The following PLCG2 variants were observed in gnomAD, a reference collection of about 807,000 sequenced individuals.
PLCG2 encodes phospholipase C gamma 2, also known as 1-phosphatidylinositol 4,5-bisphosphate phosphodiesterase gamma-2.
PLCG2 carries 69 observed loss-of-function variants against 175.6 expected under a neutral mutation model. That is an observed-to-expected ratio of 0.39 (90% CI 0.32 to 0.48). The LOEUF is 0.48. Ranked by LOEUF, PLCG2 falls within the 20% of genes least tolerant of loss-of-function variation. PLCG2 has a pLI of 0.91. For missense variants in PLCG2, 1,798 were observed against 1,650.9 expected, an observed-to-expected ratio of 1.09 and a Z score of -1.54; for synonymous variants, 827 against 624.0, an observed-to-expected ratio of 1.33 and a Z score of -4.85.
At chr16:81,835,749 C>G (rs1027160165) in intron 2 of PLCG2, among the ~76,000 whole-genome samples, 5 of 152,124 alleles carry the variant, frequency 3.3e-5, no homozygotes, top group Admixed American at 3.3e-4. Context: ...GCTTAGAAGT[C>G]TGAAATCAAG....
intron 2 of PLCG2, among the ~76,000 whole-genome samples, chr16:81,841,117 G>T (rs984010560): frequency 6.6e-6 from 1 of 152,196 alleles, no homozygotes; most frequent in Non-Finnish European, 1.5e-5. Flanking sequence ...TGCTGTCAGC[G>T]CAGTGGCAAC....
chr16:81,838,178 A>C (rs1318744066), intron 2 of PLCG2, among the ~76,000 whole-genome samples: 4 of 151,844 alleles, frequency 2.6e-5, no homozygotes, highest in Non-Finnish European at 4.4e-5. Context: ...TCCTGGGTTC[A>C]AGTGATTCTC....
At chr16:81,889,509 C>G (rs775882830) in intron 10 of PLCG2, 1 of 396,106 alleles carries the variant, frequency 2.5e-6, no homozygotes, top group Non-Finnish European at 4.6e-6. Context: ...TAGACAGAAC[C>G]GATTGATCAA....
chr16:81,778,046 A>AC (rs1567457806), upstream of PLCG2, among the ~76,000 whole-genome samples: 94 of 89,298 alleles, frequency 1.1e-3, no homozygotes, highest in East Asian at 6.9e-3. Flanking sequence ...AAAAAAACAA[A>AC]AAAAAAAACA....
At chr16:81,796,756 T>C (rs1316795811) in intron 2 of PLCG2, among the ~76,000 whole-genome samples, 1 of 152,208 alleles carries the variant, frequency 6.6e-6, no homozygotes, top group East Asian at 1.9e-4. Flanking sequence ...GTCATGCATC[T>C]GCAAGCTAAG....
intron 2 of PLCG2, chr16:81,842,891 G>T: frequency 6.6e-6 from 1 of 151,558 alleles, no homozygotes. Context: ...AGGGAGGGCT[G>T]AGGGAGGGTG....
At chr16:81,946,300 T>C (rs754930329) in intron 31 of PLCG2, 37 bp downstream of exon 31, 1 of 1,475,802 alleles carries the variant, frequency 6.8e-7, no homozygotes, top group East Asian at 2.3e-5. Context: ...TTCCCTGAGC[T>C]ATGCCTGCTG....
chr16:81,915,299 C>G (rs939502347), intron 19 of PLCG2, among the ~76,000 whole-genome samples: 2 of 152,192 alleles, frequency 1.3e-5, no homozygotes, highest in African/African-American at 4.8e-5. Context: ...AGGCACTGTT[C>G]TGGGCTCTGG....
chr16:81,754,200 G>A (rs1909871789), intron 1 of PLCG2, among the ~76,000 whole-genome samples: 1 of 151,634 alleles, frequency 6.6e-6, no homozygotes, highest in African/African-American at 2.4e-5. Context: ...GTTGAGAGGG[G>A]ATGGAGAAGC....
intron 31 of PLCG2, among the ~76,000 whole-genome samples, chr16:81,955,730 G>C (rs1189681577): frequency 5.9e-5 from 9 of 152,138 alleles, no homozygotes; most frequent in African/African-American, 1.9e-4. Context: ...ACTCTACCAA[G>C]AGCACCAACG....
At position 81,816,720 on chromosome 16, in the gene PLCG2, T is replaced by C. The variant is rs541048416; in HGVS notation, c.193+30538T>C. Among the ~76,000 whole-genome samples the C allele has an allele frequency of 3.6e-5, 5 of 139,904 alleles. No homozygotes were observed. In the East Asian group the frequency reaches 7.4e-4, roughly 21 times the overall value. 91.8% of individuals were successfully genotyped at this position (139,904 alleles called of 152,430 possible). ...TCTCACTATGTTGTCTAGGCTGGTC[T>C]TAAACTCCTGGGCTAAAGCAGTCCT... On this transcript the variant is annotated intron_variant, in intron 2 of 32. Coordinates refer to ENST00000564138, the MANE Select transcript of PLCG2 (RefSeq NM_002661.5).
intron 2 of PLCG2, among the ~76,000 whole-genome samples, chr16:81,851,423 T>C (rs535620293): frequency 6.6e-6 from 1 of 152,364 alleles, no homozygotes; most frequent in East Asian, 1.9e-4. Flanking sequence ...CGAAATCTTG[T>C]CACGTGTAGG....
At chr16:81,761,242 G>A (rs1424295107) in intron 2 of PLCG2, among the ~76,000 whole-genome samples, 1 of 152,002 alleles carries the variant, frequency 6.6e-6, no homozygotes, top group African/African-American at 2.4e-5. Context: ...GTGCATACTT[G>A]TAGTCCTAGC....
chr16:81,883,155 G>A (rs1908172952), intron 8 of PLCG2, 114 bp from the exon 9 acceptor site: 1 of 824,112 alleles, frequency 1.2e-6, no homozygotes, highest in East Asian at 2.5e-5. Context: ...CTAACACAGT[G>A]CCAGACTAAG....
chr16:81,785,650 T>G (rs1910935477), intron 1 of PLCG2: 4 of 206,928 alleles, frequency 1.9e-5, no homozygotes, highest in Non-Finnish European at 2.9e-5. Flanking sequence ...AGGATAAGAG[T>G]GGGTGGGGAG....
chr16:81,818,829 G>C (rs1474984287), intron 2 of PLCG2, among the ~76,000 whole-genome samples: 1 of 149,902 alleles, frequency 6.7e-6, no homozygotes, highest in Non-Finnish European at 1.5e-5. Context: ...TATTTAGGTA[G>C]AATATGAATA....
chr16:81,841,204 CTTTATTTATTTA>C (rs144363484), intron 2 of PLCG2, among the ~76,000 whole-genome samples: 6,954 of 144,674 alleles, frequency 0.048, 201 homozygotes, highest in African/African-American at 0.062. Context: ...AAAAAGTAAA[CTTTATTTATTTA>C]TTTATTTATT....
intron 2 of PLCG2, among the ~76,000 whole-genome samples, chr16:81,843,440 A>G (rs1157735182): frequency 3.3e-5 from 5 of 152,302 alleles, no homozygotes; most frequent in African/African-American, 1.2e-4. Flanking sequence ...GCAATATATT[A>G]CATCATATTA....
At chr16:81,835,176 C>G (rs1004628139) in intron 2 of PLCG2, among the ~76,000 whole-genome samples, 2 of 152,162 alleles carry the variant, frequency 1.3e-5, no homozygotes, top group Non-Finnish European at 2.9e-5. Flanking sequence ...AATTTTATGT[C>G]TGCAAAATGG....
Sources: gnomAD v4.1 joint callset for allele counts (sites outside exome capture counted in the v4.1 genomes callset) on GRCh38, gnomAD v4.1.1 for gene constraint, MANE v1.5 for transcripts, NCBI Gene and HGNC (gene_info 2026-07-23, HGNC 2026-07-21) for gene names.